PRDM5: variants seen among roughly 807,000 people sequenced by gnomAD.
PRDM5 encodes the protein PR domain zinc finger protein 5.
In PRDM5, 56 loss-of-function variants were observed where a neutral mutation model predicts 81.2. The observed-to-expected ratio is 0.69, with a 90% confidence interval of 0.56 to 0.86. The LOEUF (loss-of-function observed/expected upper bound fraction) is 0.86. PRDM5 is among the 40% of genes least tolerant of loss of function. The pLI is 0.00. For missense variants in PRDM5, 697 were observed against 770.1 expected, an observed-to-expected ratio of 0.91 and a Z score of 1.12; for synonymous variants, 267 against 256.4, an observed-to-expected ratio of 1.04 and a Z score of -0.39.
intron 14 of PRDM5, among the ~76,000 whole-genome samples, chr4:120,732,735 C>G (rs1033833804): frequency 1.3e-5 from 2 of 152,114 alleles, no homozygotes; most frequent in Non-Finnish European, 1.5e-5. Context: ...ATTTCATGAC[C>G]AAATGAATTT....
At chr4:120,853,373 C>T (rs901423676) in intron 3 of PRDM5, 45 bp downstream of exon 3, 1 of 1,612,100 alleles carries the variant, frequency 6.2e-7, no homozygotes. Context: ...ATTAATTCAT[C>T]CCCCCTCACA....
chr4:120,882,537 A>G (rs1213608159), intron 2 of PRDM5, among the ~76,000 whole-genome samples: 3 of 152,280 alleles, frequency 2.0e-5, no homozygotes, highest in East Asian at 3.9e-4. Flanking sequence ...TATTTTCTTT[A>G]TATAAATTTT....
chr4:120,748,845 G>A (rs748951781), intron 14 of PRDM5, among the ~76,000 whole-genome samples: 1 of 151,974 alleles, frequency 6.6e-6, no homozygotes, highest in African/African-American at 2.4e-5. Context: ...CTGCATCCTA[G>A]GAAACAGAAC....
At chr4:120,706,167 C>T (rs1736099494) in intron 15 of PRDM5, among the ~76,000 whole-genome samples, 1 of 149,310 alleles carries the variant, frequency 6.7e-6, no homozygotes, top group African/African-American at 2.5e-5. Flanking sequence ...TCTTGGCTCA[C>T]TGAAACCTTA....
At chr4:120,792,361 G>A (rs1025151027) in intron 10 of PRDM5, among the ~76,000 whole-genome samples, 1 of 152,120 alleles carries the variant, frequency 6.6e-6, no homozygotes, top group African/African-American at 2.4e-5. Flanking sequence ...TTCACAACTC[G>A]AGCTCCAAAA....
At chr4:120,890,170 T>C (rs939824281) in intron 2 of PRDM5, among the ~76,000 whole-genome samples, 1 of 152,164 alleles carries the variant, frequency 6.6e-6, no homozygotes, top group Admixed American at 6.5e-5. Flanking sequence ...GGCATCTGCT[T>C]AGCTTCTGGG....
intron 12 of PRDM5, among the ~76,000 whole-genome samples, chr4:120,779,934 A>AT (rs1553965230): frequency 2.6e-5 from 4 of 151,148 alleles, no homozygotes; most frequent in East Asian, 1.9e-4. Context: ...ACAAACAAAC[A>AT]ATATATATAT....
At chr4:120,897,368 T>C (rs927131393) in intron 2 of PRDM5, among the ~76,000 whole-genome samples, 1 of 152,152 alleles carries the variant, frequency 6.6e-6, no homozygotes, top group Admixed American at 6.5e-5. Flanking sequence ...TTTTTTAATG[T>C]CTCCTTTTTT....
chr4:120,799,749 C>A lies in PRDM5; in HGVS notation c.946-4G>T, dbSNP rs2149287388. Reference sequence around the variant, plus strand: ...GACAATCAAATATCTCATGAATCTGCAAAAGGTTAAATAGACAGTTAAATC... The same window carrying A: ...GACAATCAAATATCTCATGAATCTGAAAAAGGTTAAATAGACAGTTAAATC... On this transcript the variant is annotated splice_polypyrimidine_tract_variant and splice_region_variant and intron_variant, in intron 8 of 15. Transcript: ENST00000264808. The A allele has an allele frequency of 6.2e-7, 1 of 1,611,306 alleles. No individual in the cohort carries two copies. Among genetic ancestry groups the A allele is most frequent in the Non-Finnish European group, 8.5e-7 (1 of 1,178,722 alleles).
chr4:120,836,128 G>A (rs544912687), intron 3 of PRDM5, among the ~76,000 whole-genome samples: 2 of 152,086 alleles, frequency 1.3e-5, no homozygotes, highest in Admixed American at 1.3e-4. Context: ...ATGGAGAGAA[G>A]GGATAACCTA....
intron 2 of PRDM5, among the ~76,000 whole-genome samples, chr4:120,860,525 T>A (rs1760445919): frequency 6.6e-6 from 1 of 152,188 alleles, no homozygotes; most frequent in African/African-American, 2.4e-5. Flanking sequence ...ACGAACCTGT[T>A]CAGCTACTCA....
chr4:120,776,294 G>T (rs1472113143), intron 13 of PRDM5, among the ~76,000 whole-genome samples: 2 of 152,126 alleles, frequency 1.3e-5, no homozygotes, highest in East Asian at 1.9e-4. Context: ...TGCTCCAAGG[G>T]TGTCCCTTCC....
intron 14 of PRDM5, among the ~76,000 whole-genome samples, chr4:120,747,951 G>A (rs1449045526): frequency 1.3e-5 from 2 of 152,200 alleles, no homozygotes; most frequent in Non-Finnish European, 2.9e-5. Context: ...GGGGTTATAC[G>A]AGACGTGAAG....
At position 120,777,180 on chromosome 4, in the gene PRDM5, C is replaced by G. The variant is rs1748287968; in HGVS notation, c.1537+8G>C. 1 of 1,613,232 alleles carries G rather than the reference C, an allele frequency of 6.2e-7. No individual in the cohort carries two copies. Among genetic ancestry groups the G allele is most frequent in the Non-Finnish European group, 8.5e-7 (1 of 1,179,402 alleles). On this transcript the variant is annotated splice_region_variant and intron_variant, in intron 13 of 15. Coordinates refer to ENST00000264808, the MANE Select transcript of PRDM5 (RefSeq NM_018699.4). ...GTTTTTTCACTAGTCTAATTACAATCTCCATACCTGTGTGGCTCCGGATAT... is the reference window on the plus strand; with the variant it reads ...GTTTTTTCACTAGTCTAATTACAATGTCCATACCTGTGTGGCTCCGGATAT...
At chr4:120,917,702 C>A (rs1300826469) in intron 1 of PRDM5, among the ~76,000 whole-genome samples, 1 of 148,458 alleles carries the variant, frequency 6.7e-6, no homozygotes, top group East Asian at 2.0e-4. Flanking sequence ...AAAACAGAGC[C>A]AAGGTAGATA....
At chr4:120,777,713 C>T (rs748134423) in intron 12 of PRDM5, among the ~76,000 whole-genome samples, 1 of 151,994 alleles carries the variant, frequency 6.6e-6, no homozygotes, top group Non-Finnish European at 1.5e-5. Context: ...TCATCTATTA[C>T]TTGTGTTATG....
At chr4:120,761,702 CTA>C (rs1257862512) in intron 13 of PRDM5, among the ~76,000 whole-genome samples, 6 of 152,230 alleles carry the variant, frequency 3.9e-5, no homozygotes, top group East Asian at 1.9e-4. Flanking sequence ...TCGAAAAAAT[CTA>C]TGTTTACAAT....
At chr4:120,853,739 A>G (rs1051751021) in intron 2 of PRDM5, among the ~76,000 whole-genome samples, 199 bp from the exon 3 acceptor site, 20 of 152,244 alleles carry the variant, frequency 1.3e-4, no homozygotes, top group African/African-American at 4.6e-4. Flanking sequence ...GCAGATGTCT[A>G]GATGACTCAC....
At chr4:120,720,394 G>A (rs1738424805) in intron 14 of PRDM5, among the ~76,000 whole-genome samples, 1 of 152,078 alleles carries the variant, frequency 6.6e-6, no homozygotes, top group Admixed American at 6.5e-5. Flanking sequence ...TAGCATGATG[G>A]GCTTTGAGAC....
Sources: gnomAD v4.1 joint callset for allele counts (sites outside exome capture counted in the v4.1 genomes callset) on GRCh38, gnomAD v4.1.1 for gene constraint, MANE v1.5 for transcripts, NCBI Gene and HGNC (gene_info 2026-07-23, HGNC 2026-07-21) for gene names.